ELMO2: variants seen among roughly 807,000 people sequenced by gnomAD.
ELMO2 encodes the protein engulfment and cell motility 2.
ELMO2 carries 37 observed loss-of-function variants against 96.2 expected under a neutral mutation model. The observed-to-expected ratio is 0.38, with a 90% CI of 0.30 to 0.51. The LOEUF (loss-of-function observed/expected upper bound fraction) is 0.51, where lower values mean the gene tolerates loss of function less well. Among genes scored for constraint, ELMO2 ranks in the 20% least tolerant of loss-of-function variants. ELMO2 has a pLI of 0.88. For synonymous variants in ELMO2, 315 were observed against 329.4 expected (o/e 0.96, Z 0.47); for missense variants, 561 against 912.6 (o/e 0.61, Z 4.96).
At position 46,397,395 on chromosome 20, in the gene ELMO2, C is replaced by T. The variant is rs139850587; in HGVS notation, c.-51+1302G>A. On this transcript the variant is annotated intron_variant, in intron 2 of 21. Transcript: ENST00000290246. ...ATTTAAAAGACAGAGACTGGCTGGGCGTGGTGGCTCATGTCTATAATCGCA... is the reference window on the plus strand; with the variant it reads ...ATTTAAAAGACAGAGACTGGCTGGGTGTGGTGGCTCATGTCTATAATCGCA... Among the ~76,000 whole-genome samples the T allele has an allele frequency of 1.9e-4, 29 of 152,292 alleles. No individual in the cohort carries two copies. In the East Asian group the frequency reaches 4.0e-3, roughly 21 times the overall value.
chr20:46,399,273 A>C (rs1316446418), intron 1 of ELMO2, among the ~76,000 whole-genome samples: 2 of 152,226 alleles, frequency 1.3e-5, no homozygotes, highest in African/African-American at 4.8e-5. Context: ...ATTGTAACAG[A>C]AGACAGCTCT....
intron 1 of ELMO2, among the ~76,000 whole-genome samples, chr20:46,403,178 G>A (rs2060363853): frequency 6.6e-6 from 1 of 152,242 alleles, no homozygotes; most frequent in African/African-American, 2.4e-5. Flanking sequence ...AGGCAGGTAT[G>A]TTGTGTATTG....
rs540426658 is a variant in ELMO2, at chr20:46,372,084, C to T, written c.1417-115G>A. 5.4e-6 allele frequency: 7 copies of T among 1,302,098 alleles called. No homozygotes were observed. The African/African-American group carries it at 5.8e-5, about 11-fold the overall frequency. The allele number at this position is 1,302,098 out of a possible 1,614,324, so 80.7% of individuals were successfully genotyped here. On this transcript the variant is annotated intron_variant, in intron 16 of 21. Coordinates refer to ENST00000290246, the MANE Select transcript of ELMO2 (RefSeq NM_133171.5). ...AGGGTCTTGAGCAGGGCAGGCACTA[C>T]AGACATCTGCTGGGTGAGTAAGGTA...
intron 2 of ELMO2, among the ~76,000 whole-genome samples, chr20:46,398,469 C>G (rs1378090565): frequency 6.6e-6 from 1 of 152,116 alleles, no homozygotes; most frequent in African/African-American, 2.4e-5. Context: ...CTCACCACCA[C>G]GCCCAGCTAA....
At chr20:46,399,646 G>C (rs2060303732) in intron 1 of ELMO2, among the ~76,000 whole-genome samples, 1 of 152,168 alleles carries the variant, frequency 6.6e-6, no homozygotes, top group South Asian at 2.1e-4. Context: ...TCCTCCTCCA[G>C]AACAGGTATA....
intron 7 of ELMO2, among the ~76,000 whole-genome samples, chr20:46,388,266 A>C (rs1169588270): frequency 6.6e-6 from 1 of 152,238 alleles, no homozygotes; most frequent in African/African-American, 2.4e-5. Context: ...TGGCAGCTGA[A>C]GGCTTCAGGA....
At chr20:46,405,057 A>C (rs955974981) in intron 1 of ELMO2, among the ~76,000 whole-genome samples, 11 of 152,188 alleles carry the variant, frequency 7.2e-5, no homozygotes, top group Non-Finnish European at 1.3e-4. Flanking sequence ...TTATTTGGTA[A>C]ATATTTATAT....
chr20:46,389,125 G>T lies in ELMO2; in HGVS notation c.339C>A (p.Asp113Glu). The T allele has an allele frequency of 1.2e-6, 2 of 1,614,148 alleles. No individual in the cohort carries two copies. Among genetic ancestry groups the T allele is most frequent in the South Asian group, 2.2e-5 (2 of 91,080 alleles). The stretch of plus-strand genomic sequence containing the variant: ...TGATGAACTCAGTAGCGAAAGTCAC[G>T]TCGGCAGAGAGCTTGGCCAGCTCCT... ...AMKELAKLSA[D>E]VTFATEFINM... Residue 113 changes from aspartate to glutamate, a missense_variant, in exon 7 of 22, where the codon GAC becomes GAA. Coordinates refer to ENST00000290246, the MANE Select transcript of ELMO2 (RefSeq NM_133171.5).
chr20:46,368,867 C>CT (rs1273175392), intron 21 of ELMO2, 24 bp downstream of exon 21: 1 of 1,613,470 alleles, frequency 6.2e-7, no homozygotes, highest in Non-Finnish European at 8.5e-7. Flanking sequence ...GCTCTGTTGT[C>CT]TAAGGCAGCG....
intron 20 of ELMO2, chr20:46,369,346 AAAAAC>A (rs1015116792): frequency 2.2e-4 from 37 of 171,542 alleles, no homozygotes; most frequent in African/African-American, 9.0e-4. Context: ...TTAACAATTA[AAAAAC>A]AAAACAAAAC....
chr20:46,370,800 G>A (rs972114505), intron 19 of ELMO2, among the ~76,000 whole-genome samples: 2 of 152,152 alleles, frequency 1.3e-5, no homozygotes, highest in African/African-American at 4.8e-5. Context: ...CCCAAGGAAC[G>A]GGACCTTGGT....
At chr20:46,394,363 G>A (rs759433412) in intron 3 of ELMO2, 42 bp downstream of exon 3, 6 of 1,604,204 alleles carry the variant, frequency 3.7e-6, no homozygotes, top group South Asian at 2.2e-5. Context: ...CACTCCCCAG[G>A]TGCCTTTCCT....
chr20:46,394,352 G>A, intron 3 of ELMO2, 53 bp downstream of exon 3: 5 of 1,577,716 alleles, frequency 3.2e-6, no homozygotes, highest in Non-Finnish European at 4.4e-6. Flanking sequence ...CCTCTGCCAT[G>A]CACTCCCCAG....
At chr20:46,381,674 A>G (rs1187853448) in intron 10 of ELMO2, among the ~76,000 whole-genome samples, 1 of 152,160 alleles carries the variant, frequency 6.6e-6, no homozygotes, top group Non-Finnish European at 1.5e-5. Flanking sequence ...CTTAGACCAA[A>G]AGCTTCTCTG....
chr20:46,402,912 C>G (rs895163497), intron 1 of ELMO2, among the ~76,000 whole-genome samples: 5 of 152,180 alleles, frequency 3.3e-5, no homozygotes, highest in Non-Finnish European at 7.3e-5. Flanking sequence ...CTTTGGCCTT[C>G]TAGTGAGGAA....
chr20:46,394,752 T>G (rs2060215099), intron 2 of ELMO2, among the ~76,000 whole-genome samples: 1 of 152,228 alleles, frequency 6.6e-6, no homozygotes, highest in Non-Finnish European at 1.5e-5. Context: ...CATCCATAGA[T>G]CAGCCAGTAG....
chr20:46,381,744 G>A (rs571095772), intron 10 of ELMO2, among the ~76,000 whole-genome samples: 2 of 152,256 alleles, frequency 1.3e-5, no homozygotes, highest in East Asian at 1.9e-4. Context: ...CCTCTCTAAA[G>A]CTCCCTATAA....
At chr20:46,373,101 A>T (rs560320349) in intron 16 of ELMO2, 16 of 336,192 alleles carry the variant, frequency 4.8e-5, no homozygotes, top group African/African-American at 3.1e-4. Flanking sequence ...CACTCAATAA[A>T]CCACAGTGAG....
In ELMO2 at chr20:46,373,510, G is replaced by A. The variant is rs1334541025; in HGVS notation, c.1305C>T (p.His435=). Residue 435 remains histidine (H), a synonymous_variant, in exon 16 of 22, where the codon CAC becomes CAT. Coordinates refer to ENST00000290246, the MANE Select transcript of ELMO2 (RefSeq NM_133171.5). ...ELPNEGRNDY[H]PMFFTHDRAF... is the part of the protein sequence containing the mutation. ...CTCGGTCATGGGTAAAGAACATCGG[G>A]TGGTAGTCATTGCGTCCTTCATTTG... 3 of 1,614,204 alleles carry A rather than the reference G, an allele frequency of 1.9e-6. No homozygotes were observed. The highest frequency in any genetic ancestry group is 1.7e-5 in the Admixed American group (1 of 60,028).
Sources: gnomAD v4.1 joint callset for allele counts (sites outside exome capture counted in the v4.1 genomes callset) on GRCh38, gnomAD v4.1.1 for gene constraint, MANE v1.5 for transcripts, NCBI Gene and HGNC (gene_info 2026-07-23, HGNC 2026-07-21) for gene names.